The following BOD1L1 variants were observed in gnomAD, a reference collection of about 807,000 sequenced individuals.
BOD1L1 encodes the protein biorientation of chromosomes in cell division protein 1-like 1.
In BOD1L1, 86 loss-of-function variants were observed where a neutral mutation model predicts 240.7. That is an observed-to-expected ratio of 0.36 (90% CI 0.30 to 0.43). The LOEUF (loss-of-function observed/expected upper bound fraction) is 0.43. Ranked by LOEUF, BOD1L1 falls within the 20% of genes least tolerant of loss-of-function variation. The pLI is 1.00. For missense variants in BOD1L1, 3,554 were observed against 3,643.5 expected, an observed-to-expected ratio of 0.98 and a Z score of 0.63; for synonymous variants, 1,268 against 1,272.3, an observed-to-expected ratio of 1.00 and a Z score of 0.07.
chr4:13,582,590 T>G, intron 18 of BOD1L1, 62 bp downstream of exon 18: 6 of 1,278,734 alleles, frequency 4.7e-6, no homozygotes, highest in Non-Finnish European at 6.8e-6. Context: ...ACGTTTCGGT[T>G]GAGAGACACG....
intron 16 of BOD1L1, 97 bp downstream of exon 16, chr4:13,587,602 C>T: frequency 1.1e-6 from 1 of 889,414 alleles, no homozygotes; most frequent in Non-Finnish European, 1.8e-6. Context: ...TAGAGAGTTA[C>T]TATCCTCAAA....
intron 1 of BOD1L1, chr4:13,626,430 A>C (rs1056641188): frequency 1.2e-4 from 18 of 154,898 alleles, no homozygotes; most frequent in African/African-American, 4.3e-4. Flanking sequence ...AAACCAGTTA[A>C]TTTTCCAACA....
In BOD1L1 at chr4:13,574,163, G is replaced by C. The variant is rs1712497882; in HGVS notation, c.9038+2675C>G. On this transcript the variant is annotated intron_variant, in intron 25 of 25. Coordinates refer to ENST00000040738, the MANE Select transcript of BOD1L1 (RefSeq NM_148894.3). The stretch of plus-strand genomic sequence containing the variant: ...AGCCACAGGGAGGCCGGCTTCTACT[G>C]AACACAAGTCAGAGAATGCTAAGGA... Among the ~76,000 whole-genome samples the C allele has an allele frequency of 2.6e-5, 4 of 152,182 alleles. No individual in the cohort carries two copies. In the South Asian group the frequency reaches 8.3e-4, roughly 32 times the overall value.
Position 13,607,100 on chromosome 4 carries a change from G to C in BOD1L1, c.1815+17C>G. 6.7e-6 allele frequency: 10 copies of C among 1,498,844 alleles called. No individual in the cohort carries two copies. Among genetic ancestry groups the C allele is most frequent in the Non-Finnish European group, 9.0e-6 (10 of 1,108,272 alleles). 92.8% of individuals were successfully genotyped at this position (1,498,844 alleles called of 1,614,324 possible). ...CTAACAAAACAGCATTTGAAATGAG[G>C]TTTTATTAAGGCATACCTCACTTGT... On this transcript the variant is annotated intron_variant, in intron 9 of 25. Coordinates refer to ENST00000040738, the MANE Select transcript of BOD1L1 (RefSeq NM_148894.3).
intron 9 of BOD1L1, among the ~76,000 whole-genome samples, chr4:13,605,715 T>G (rs1014883619): frequency 1.3e-5 from 2 of 152,186 alleles, no homozygotes; most frequent in African/African-American, 4.8e-5. Flanking sequence ...TACTGAAATA[T>G]AGATTTCCTA....
rs1716335815 is a variant in BOD1L1, at chr4:13,613,420, A to G, written c.1324+92T>C. The G allele has an allele frequency of 7.2e-6, 9 of 1,248,154 alleles. No homozygotes were observed. The highest frequency in any genetic ancestry group is 1.0e-5 in the Non-Finnish European group (9 of 902,446). 77.3% of individuals were successfully genotyped at this position (1,248,154 alleles called of 1,614,324 possible). ...TACAAAATCCCATGCTCTTGCTACT[A>G]TACCACACTGTTTCTCAGGATATAG... On this transcript the variant is annotated intron_variant, in intron 5 of 25. Coordinates refer to ENST00000040738, the MANE Select transcript of BOD1L1 (RefSeq NM_148894.3). This position sits in a 1 kb window ranked among gnomAD's most constrained non-coding sequence, Gnocchi z 4.0.
chr4:13,575,587 G>T (rs1004174811), intron 25 of BOD1L1, among the ~76,000 whole-genome samples: 3 of 151,780 alleles, frequency 2.0e-5, no homozygotes, highest in Non-Finnish European at 4.4e-5. Flanking sequence ...TCCCTGTGTT[G>T]CCCAGGCTGG....
Position 13,614,758 on chromosome 4 carries a change from T to C in BOD1L1, c.612A>G (p.Ile204Met), listed in dbSNP as rs1326535389. Residue 204 changes from isoleucine (I) to methionine (M), a missense_variant, in exon 4 of 26, where the codon ATA (isoleucine) becomes ATG (methionine). Transcript: ENST00000040738. ...GGTTAAGAGAAGTTATGGTTTCCAA[T>C]ATCGACATGGCATCATTGGCTACAT... ...SANVANDAMS[I>M]LETITSLNQE... The C allele has an allele frequency of 6.2e-7, 1 of 1,613,806 alleles. No homozygotes were observed. The highest frequency in any genetic ancestry group is 1.7e-5 in the Admixed American group (1 of 59,978).
At chr4:13,577,270 G>A (rs937001441) in intron 24 of BOD1L1, 133 bp downstream of exon 24, 23 of 808,666 alleles carry the variant, frequency 2.8e-5, no homozygotes, top group Non-Finnish European at 4.4e-5. Context: ...CACGGGATTA[G>A]ACCTATTTCA....
At chr4:13,571,528 G>A (rs138067361) in intron 25 of BOD1L1, among the ~76,000 whole-genome samples, 190 of 152,312 alleles carry the variant, frequency 1.2e-3, no homozygotes, top group African/African-American at 4.3e-3. Context: ...GGTGCCGTGC[G>A]CAGTATTGTG....
rs1715048697 is a variant in BOD1L1 at position 13,600,584 on chromosome 4, C to T, written c.6316G>A (p.Glu2106Lys). The T allele has an allele frequency of 6.2e-7, 1 of 1,613,858 alleles. No homozygotes were observed. Among genetic ancestry groups the T allele is most frequent in the South Asian group, 1.1e-5 (1 of 91,062 alleles). The change falls in exon 10 of 26, where the codon GAA becomes AAA. Residue 2106 changes from glutamate (E) to lysine (K), a missense_variant. Physicochemically the swap from Glu to Lys is moderately conservative, Grantham distance 56. Transcript: ENST00000040738. The part of the protein sequence containing the change: ...SDALRTEENM[E>K]GTRVTTEEFE... Reference sequence around the variant, plus strand: ...TCTTCTGTGGTTACTCTGGTACCTTCCATATTTTCTTCAGTTCTCAGAGCA... The same window carrying T: ...TCTTCTGTGGTTACTCTGGTACCTTTCATATTTTCTTCAGTTCTCAGAGCA...
rs762342242 is a variant in BOD1L1, at chr4:13,586,385, G to A, written c.8433+11C>T. 3.1e-5 allele frequency: 50 copies of A among 1,598,488 alleles called. No individual in the cohort carries two copies. The highest frequency in any genetic ancestry group is 4.0e-5 in the Non-Finnish European group (47 of 1,168,618). ...CACCCAAAACTTAAAACTAATATGTGGAAAAAATACCTTTGTGTCATGTGG... is the reference window on the plus strand; with the variant it reads ...CACCCAAAACTTAAAACTAATATGTAGAAAAAATACCTTTGTGTCATGTGG... On this transcript the variant is annotated intron_variant, in intron 17 of 25. Transcript: ENST00000040738.
At position 13,608,669 on chromosome 4, in the gene BOD1L1, C is replaced by T; in HGVS notation, c.1604-1G>A. 6.9e-7 allele frequency: 1 copy of T among 1,444,934 alleles called. No homozygotes were observed. Among genetic ancestry groups the T allele is most frequent in the Non-Finnish European group, 9.1e-7 (1 of 1,099,970 alleles). 89.5% of individuals were successfully genotyped at this position (1,444,934 alleles called of 1,614,324 possible). A position where few individuals can be genotyped will look rare whatever the true frequency, so the allele number is the denominator to read the frequency against. On this transcript the variant is annotated splice_acceptor_variant, in intron 7 of 25. Coordinates refer to ENST00000040738, the MANE Select transcript of BOD1L1 (RefSeq NM_148894.3). LOFTEE classifies it high-confidence loss of function. Reference sequence around the variant, plus strand: ...TCTTCTAAGTCCACACTACTCCTGCCTAGAAAAGAAGCAATCAATAAAACG... The same window carrying T: ...TCTTCTAAGTCCACACTACTCCTGCTTAGAAAAGAAGCAATCAATAAAACG...
chr4:13,617,388 T>C (rs528733106), intron 2 of BOD1L1, among the ~76,000 whole-genome samples: 1 of 152,306 alleles, frequency 6.6e-6, no homozygotes, highest in Admixed American at 6.5e-5. Flanking sequence ...ACTTCTGCTT[T>C]AGTCCTTTCT....
rs766649649 is a variant in BOD1L1 at position 13,609,399 on chromosome 4, T to A, written c.1499A>T (p.Glu500Val). The A allele has an allele frequency of 3.3e-6, 5 of 1,519,076 alleles. No homozygotes were observed. The South Asian group carries it at 6.7e-5, about 20-fold the overall frequency. The allele number at this position is 1,519,076 out of a possible 1,614,324, so 94.1% of individuals were successfully genotyped here. The change falls in exon 7 of 26, where the codon GAA (glutamate) becomes GTA (valine). Residue 500 changes from glutamate (E) to valine (V), a missense_variant. Glu to Val is a moderately radical substitution (Grantham distance 121). This residue lies in a region of BOD1L1 where 3,393 missense variants were observed against 3,427.1 expected (regional missense o/e 0.99). Transcript: ENST00000040738. ...CCTTCTTAAAAGCCTCTCTTCTTTT[T>A]CTTTGGCCTAAAACCACAAAATACC... ...VEQRRQSIAKEKEERLLRRQI... is the reference protein window; with the variant it reads ...VEQRRQSIAKVKEERLLRRQI...
At chr4:13,579,448 A>G (rs1054640857) in intron 22 of BOD1L1, among the ~76,000 whole-genome samples, 3 of 152,212 alleles carry the variant, frequency 2.0e-5, no homozygotes, top group African/African-American at 7.2e-5. Context: ...GAGAATATGT[A>G]CTTTCTCAGT....
At chr4:13,584,552 CTT>C (rs1447780100) in intron 17 of BOD1L1, among the ~76,000 whole-genome samples, 1 of 151,514 alleles carries the variant, frequency 6.6e-6, no homozygotes, top group Non-Finnish European at 1.5e-5. Context: ...AACATCTACA[CTT>C]TTATCTGTTT....
chr4:13,587,808 T>C, intron 15 of BOD1L1, 37 bp from the exon 16 acceptor site: 2 of 1,371,980 alleles, frequency 1.5e-6, no homozygotes, highest in Non-Finnish European at 2.0e-6. Context: ...GGCCATAGAA[T>C]CTTGATTCAA....
intron 17 of BOD1L1, among the ~76,000 whole-genome samples, chr4:13,585,971 A>G (rs1325828659): frequency 6.6e-6 from 1 of 152,224 alleles, no homozygotes; most frequent in Non-Finnish European, 1.5e-5. Context: ...AGTCTCAGGT[A>G]TGTCTTTATT....
Sources: gnomAD v4.1 joint callset for allele counts (sites outside exome capture counted in the v4.1 genomes callset) on GRCh38, gnomAD v4.1.1 for gene constraint, gnomAD v4.1.1 regional missense constraint, Gnocchi (gnomAD v3.1) non-coding constraint, MANE v1.5 for transcripts, NCBI Gene and HGNC (gene_info 2026-07-23, HGNC 2026-07-21) for gene names.